The following SMYD3 variants were observed in gnomAD, a reference collection of about 807,000 sequenced individuals.
The protein encoded by SMYD3 is SET and MYND domain containing 3, also known as histone-lysine N-methyltransferase SMYD3.
In SMYD3, 36 loss-of-function variants were observed where a neutral mutation model predicts 57.7. The ratio of observed to expected loss-of-function variants is 0.62; its 90% confidence interval spans 0.48 to 0.82. The LOEUF is 0.82. SMYD3 is among the 40% of genes least tolerant of loss of function. SMYD3 has a pLI of 0.00. For synonymous variants in SMYD3, 211 were observed against 195.0 expected (o/e 1.08, Z -0.68); for missense variants, 515 against 538.8 (o/e 0.96, Z 0.44).
chr1:246,343,536 A>G (rs2065663561), intron 2 of SMYD3, among the ~76,000 whole-genome samples: 1 of 152,186 alleles, frequency 6.6e-6, no homozygotes, highest in Non-Finnish European at 1.5e-5. Context: ...CAGCCTGCCA[A>G]GCAGAATTCC....
chr1:246,419,909 T>G (rs1162980572), intron 1 of SMYD3, among the ~76,000 whole-genome samples: 1 of 152,240 alleles, frequency 6.6e-6, no homozygotes, highest in Non-Finnish European at 1.5e-5. Flanking sequence ...CTAAAAAGTC[T>G]GTCACGACTT....
chr1:246,470,525 A>G (rs1009143356), intron 1 of SMYD3, among the ~76,000 whole-genome samples: 6 of 144,050 alleles, frequency 4.2e-5, no homozygotes, highest in Non-Finnish European at 7.6e-5. Context: ...AAAAAAATAT[A>G]TATATATATA....
rs76557521 is a variant in SMYD3 at position 245,771,629 on chromosome 1, G to A, written c.1077-7480C>T. On this transcript the variant is annotated intron_variant, in intron 10 of 11. Coordinates refer to ENST00000490107, the MANE Select transcript of SMYD3 (RefSeq NM_001167740.2). ...CCCACAGTGAACATTAAAAGGCTTC[G>A]CTTTAGGTCTTAAAGCAAATGTAGA... 2.6e-5 allele frequency among the ~76,000 whole-genome samples: 4 copies of A among 152,274 alleles called. No individual in the cohort carries two copies. The East Asian group carries it at 5.8e-4, about 22-fold the overall frequency.
At chr1:246,100,758 C>T (rs1226882829) in intron 5 of SMYD3, among the ~76,000 whole-genome samples, 2 of 152,118 alleles carry the variant, frequency 1.3e-5, no homozygotes, top group African/African-American at 4.8e-5. Context: ...CTCCAGAGGA[C>T]GATCCACAGC....
intron 1 of SMYD3, among the ~76,000 whole-genome samples, chr1:246,364,544 G>A (rs1364075868): frequency 3.3e-5 from 5 of 152,166 alleles, no homozygotes; most frequent in African/African-American, 1.2e-4. Flanking sequence ...AGATGGAGTA[G>A]TACACACTGC....
chr1:245,949,825 A>ACCCCCC (rs376505931), intron 5 of SMYD3, among the ~76,000 whole-genome samples: 34 of 93,276 alleles, frequency 3.6e-4, no homozygotes, highest in Non-Finnish European at 4.9e-4. Context: ...AAAGAAACCC[A>ACCCCCC]CCCCCCCCAC....
chr1:246,360,673 A>C (rs1372379472), intron 1 of SMYD3, among the ~76,000 whole-genome samples: 1 of 152,170 alleles, frequency 6.6e-6, no homozygotes, highest in Non-Finnish European at 1.5e-5. Context: ...ATCTTCAACA[A>C]AGCAAACAAA....
chr1:245,984,334 T>C (rs1207093321), intron 5 of SMYD3, among the ~76,000 whole-genome samples: 1 of 152,180 alleles, frequency 6.6e-6, no homozygotes, highest in Non-Finnish European at 1.5e-5. Flanking sequence ...TGGACAAAAC[T>C]GCTTCCTAGT....
At chr1:246,462,396 C>G (rs2067815522) in intron 1 of SMYD3, among the ~76,000 whole-genome samples, 1 of 152,158 alleles carries the variant, frequency 6.6e-6, no homozygotes, top group South Asian at 2.1e-4. Flanking sequence ...GCGGTACCCC[C>G]ATCCTTGGAC....
intron 5 of SMYD3, among the ~76,000 whole-genome samples, chr1:246,255,927 AAGATAGAT>A (rs55974041): frequency 0.12 from 13,997 of 120,962 alleles, 782 homozygotes; most frequent in Non-Finnish European, 0.13. Flanking sequence ...CATAACTAAT[AAGATAGAT>A]AGATAGATAG....
rs116244177 is a variant in SMYD3, at chr1:246,000,872, G to A, written c.532-70935C>T. Among the ~76,000 whole-genome samples, 465 of 152,308 alleles carry A rather than the reference G, an allele frequency of 3.1e-3. 4 individuals carry two copies. Among genetic ancestry groups the A allele is most frequent in the African/African-American group, 0.01 (418 of 41,562 alleles). Reference sequence around the variant, plus strand: ...TTGCTAAAGCCACATCTTGACTTATGACATATGGAGTGTTTGGAAACAGAA... The same window carrying A: ...TTGCTAAAGCCACATCTTGACTTATAACATATGGAGTGTTTGGAAACAGAA... On this transcript the variant is annotated intron_variant, in intron 5 of 11. Coordinates refer to ENST00000490107, the MANE Select transcript of SMYD3 (RefSeq NM_001167740.2).
At chr1:245,849,368 T>C (rs111645753) in intron 10 of SMYD3, among the ~76,000 whole-genome samples, 1 of 152,126 alleles carries the variant, frequency 6.6e-6, no homozygotes, top group African/African-American at 2.4e-5. Context: ...GGGAGGATAT[T>C]TTACACCGTG....
At chr1:246,023,493 T>C (rs1007282735) in intron 5 of SMYD3, among the ~76,000 whole-genome samples, 3 of 152,110 alleles carry the variant, frequency 2.0e-5, no homozygotes, top group African/African-American at 7.2e-5. Context: ...TAGAAAAGAG[T>C]TGTTCTTTCC....
intron 5 of SMYD3, among the ~76,000 whole-genome samples, chr1:246,048,230 A>G (rs774893928): frequency 1.3e-5 from 2 of 152,226 alleles, no homozygotes; most frequent in Non-Finnish European, 2.9e-5. Flanking sequence ...TAGATTGGAA[A>G]AATATTTCAT....
chr1:246,245,120 C>CTTTTT (rs74163421), intron 5 of SMYD3, among the ~76,000 whole-genome samples: 16 of 122,942 alleles, frequency 1.3e-4, no homozygotes, highest in Non-Finnish European at 1.2e-4. Flanking sequence ...CAGCTACTGC[C>CTTTTT]TTTTTTTTTT....
intron 5 of SMYD3, chr1:246,186,723 T>G: frequency 1.0e-6 from 1 of 984,118 alleles, no homozygotes; most frequent in Non-Finnish European, 1.2e-6. Context: ...TCTCTCAAAA[T>G]GATCCCTCTG....
chr1:245,989,201 T>C (rs1247399135), intron 5 of SMYD3, among the ~76,000 whole-genome samples: 22 of 80,726 alleles, frequency 2.7e-4, no homozygotes. Context: ...GCCTGGAACA[T>C]CCTGTCCCCC....
intron 5 of SMYD3, among the ~76,000 whole-genome samples, chr1:246,283,661 C>T (rs2064498519): frequency 6.6e-6 from 1 of 152,212 alleles, no homozygotes; most frequent in Non-Finnish European, 1.5e-5. Context: ...ATGACACTTG[C>T]TTCTGTGAGA....
At chr1:245,798,484 CCACACACACA>C (rs146927711) in intron 10 of SMYD3, among the ~76,000 whole-genome samples, 1 of 132,164 alleles carries the variant, frequency 7.6e-6, no homozygotes, top group Non-Finnish European at 1.6e-5. Context: ...ACACAACACA[CCACACACACA>C]CACACACACA....
Sources: allele counts gnomAD v4.1 joint callset (sites outside exome capture counted in the v4.1 genomes callset), GRCh38; gene constraint gnomAD v4.1.1; transcripts MANE v1.5; gene names NCBI Gene and HGNC (gene_info 2026-07-23, HGNC 2026-07-21).